Variants in NGLY1 observed in about 807,000 individuals in gnomAD.
NGLY1 encodes the protein N-glycanase 1.
A neutral mutation model predicts 84.6 loss-of-function variants in NGLY1; 68 were observed. That is an observed-to-expected ratio of 0.80 (90% CI 0.66 to 0.98). The LOEUF (loss-of-function observed/expected upper bound fraction) is 0.98. Among genes scored for constraint, NGLY1 ranks in the 50% least tolerant of loss-of-function variants. The pLI is 0.00. For synonymous variants in NGLY1, 280 were observed against 275.2 expected (o/e 1.02, Z -0.17); for missense variants, 779 against 770.2 (o/e 1.01, Z -0.14).
chr3:25,767,839 G>A (rs1213060325), intron 2 of NGLY1, among the ~76,000 whole-genome samples: 5 of 152,110 alleles, frequency 3.3e-5, no homozygotes, highest in African/African-American at 9.7e-5. Flanking sequence ...GAGGCTGGGC[G>A]GGGTGGCTCA....
intron 2 of NGLY1, 170 bp downstream of exon 2, chr3:25,778,404 C>T (rs1708250580): frequency 2.3e-6 from 1 of 438,500 alleles, no homozygotes; most frequent in Non-Finnish European, 4.2e-6. Context: ...AAATTTTAAA[C>T]TATACTTGTT....
chr3:25,781,790 A>C (rs1708430983), intron 1 of NGLY1, among the ~76,000 whole-genome samples: 1 of 152,222 alleles, frequency 6.6e-6, no homozygotes, highest in Non-Finnish European at 1.5e-5. Flanking sequence ...TTTCCCCCTC[A>C]TACTAAACCT....
In NGLY1 at chr3:25,739,694, C is replaced by T. The variant is rs777616612; in HGVS notation, c.764G>A (p.Gly255Glu). 1.9e-6 allele frequency: 3 copies of T among 1,614,064 alleles called. No individual in the cohort carries two copies. In the South Asian group the frequency reaches 3.3e-5, roughly 18 times the overall value. The change falls in exon 5 of 12, where the codon GGA becomes GAA. Residue 255 changes from glycine to glutamate, a missense_variant. Coordinates refer to ENST00000280700, the MANE Select transcript of NGLY1 (RefSeq NM_018297.4). ...TGATCTATCTCTAGACCTAGTCTGT[C>T]CACCACATTTGCTGCACAAAACGTT... ...VNNVLCSKCGGQTRSRDRSLL... is the reference protein window; with the variant it reads ...VNNVLCSKCGEQTRSRDRSLL...
At chr3:25,735,489 T>C (rs1293629813) in intron 7 of NGLY1, 1 of 152,350 alleles carries the variant, frequency 6.6e-6, no homozygotes. Flanking sequence ...GAAATGCCAC[T>C]ACACACCTAT....
At chr3:25,785,610 G>T (rs1039363404), upstream of NGLY1, among the ~76,000 whole-genome samples, 1 of 151,316 alleles carries the variant, frequency 6.6e-6, no homozygotes, top group South Asian at 2.1e-4. Context: ...GAGGTAGGTG[G>T]ATCGCTTGAG....
At chr3:25,756,897 C>G (rs753008679) in intron 3 of NGLY1, among the ~76,000 whole-genome samples, 1 of 152,332 alleles carries the variant, frequency 6.6e-6, no homozygotes, top group Non-Finnish European at 1.5e-5. Flanking sequence ...TATTGCTGAA[C>G]ACTTTCCCAG....
At chr3:25,749,210 A>G (rs1330437886) in intron 4 of NGLY1, among the ~76,000 whole-genome samples, 1 of 152,222 alleles carries the variant, frequency 6.6e-6, no homozygotes, top group Non-Finnish European at 1.5e-5. Context: ...TTAAAAATAG[A>G]ATTGCCATAA....
intron 2 of NGLY1, among the ~76,000 whole-genome samples, chr3:25,772,399 G>GC (rs933894881): frequency 1.1e-4 from 16 of 151,996 alleles, no homozygotes; most frequent in African/African-American, 3.6e-4. Context: ...ATTAAATAAT[G>GC]CCCCCCTTTG....
chr3:25,725,738 G>A (rs781464210), intron 10 of NGLY1, among the ~76,000 whole-genome samples: 11 of 151,494 alleles, frequency 7.3e-5, no homozygotes, highest in African/African-American at 1.2e-4. Flanking sequence ...GATTGTTGTA[G>A]AGAGAACAGA....
At chr3:25,736,540 G>C in intron 6 of NGLY1, 1 of 598,600 alleles carries the variant, frequency 1.7e-6, no homozygotes, top group South Asian at 2.4e-5. Flanking sequence ...AAGTCTAATA[G>C]AATCTCTGGT....
chr3:25,758,682 T>C (rs1037210687), intron 3 of NGLY1, among the ~76,000 whole-genome samples: 1 of 152,332 alleles, frequency 6.6e-6, no homozygotes, highest in South Asian at 2.1e-4. Flanking sequence ...GTAGTACATG[T>C]ATATAACACA....
chr3:25,726,291 A>G (rs1482709073), intron 10 of NGLY1, among the ~76,000 whole-genome samples: 1 of 152,244 alleles, frequency 6.6e-6, no homozygotes, highest in Admixed American at 6.5e-5. Flanking sequence ...TATGCCAGAT[A>G]TATGAATACT....
At chr3:25,760,917 A>T in intron 3 of NGLY1, among the ~76,000 whole-genome samples, 1 of 132,540 alleles carries the variant, frequency 7.5e-6, no homozygotes, top group Admixed American at 8.2e-5. Context: ...AAAAAAAAAA[A>T]AAAGCTCGCA....
Position 25,761,012 on chromosome 3 carries a change from T to C in NGLY1, c.492+3054A>G, listed in dbSNP as rs144708926. Among the ~76,000 whole-genome samples, 633 of 152,212 alleles carry C rather than the reference T, an allele frequency of 4.2e-3. 4 individuals carry two copies. The highest frequency in any genetic ancestry group is 0.015 in the African/African-American group (607 of 41,536). On this transcript the variant is annotated intron_variant, in intron 3 of 11. Coordinates refer to ENST00000280700, the MANE Select transcript of NGLY1 (RefSeq NM_018297.4). ...TTTTAAAATTAACTAGTTCGTTTTA[T>C]TATTTATCATTATCTGATAATATAT...
At chr3:25,734,393 T>TGTA (rs1041159462) in intron 7 of NGLY1, 1 of 152,456 alleles carries the variant, frequency 6.6e-6, no homozygotes, top group African/African-American at 2.4e-5. Context: ...TAGAATACTA[T>TGTA]CCTTTGTTTA....
At chr3:25,761,633 G>A (rs1395974495) in intron 3 of NGLY1, among the ~76,000 whole-genome samples, 2 of 152,146 alleles carry the variant, frequency 1.3e-5, no homozygotes, top group East Asian at 3.8e-4. Context: ...GTACAATTTT[G>A]AAAAACAGCT....
chr3:25,738,120 C>G (rs903006472), intron 5 of NGLY1, among the ~76,000 whole-genome samples: 1 of 152,160 alleles, frequency 6.6e-6, no homozygotes, highest in African/African-American at 2.4e-5. Context: ...TTTGGAGAAG[C>G]AAATTCTCTA....
At chr3:25,732,243 G>T in intron 9 of NGLY1, 76 bp downstream of exon 9, 1 of 1,324,870 alleles carries the variant, frequency 7.5e-7, no homozygotes, top group Non-Finnish European at 1.0e-6. Context: ...CAATGCAGTT[G>T]GAGGATAGTA....
Position 25,719,655 on chromosome 3 carries a change from A to AT in NGLY1, c.1790-21_1790-20insA. On this transcript the variant is annotated intron_variant, in intron 11 of 11. Transcript: ENST00000280700. ...TGTTATCTGTTAGAGGGAAAAAAAA[A>AT]ATTAACATTTTGCTTTTGGTAATTT... 7 of 1,591,604 alleles carry AT rather than the reference A, an allele frequency of 4.4e-6. No homozygotes were observed. The highest frequency in any genetic ancestry group is 6.0e-6 in the Non-Finnish European group (7 of 1,167,608).
Sources: allele counts gnomAD v4.1 joint callset (sites outside exome capture counted in the v4.1 genomes callset), GRCh38; gene constraint gnomAD v4.1.1; transcripts MANE v1.5; gene names NCBI Gene and HGNC (gene_info 2026-07-23, HGNC 2026-07-21).